Variants in TNR observed in about 807,000 individuals in gnomAD.
The protein encoded by TNR is tenascin R.
In TNR, 45 loss-of-function variants were observed where a neutral mutation model predicts 150.4. The observed-to-expected ratio is 0.30, with a 90% confidence interval of 0.24 to 0.38. The LOEUF is 0.38. Ranked by LOEUF, TNR falls within the 10% of genes least tolerant of loss-of-function variation. The probability of loss-of-function intolerance (pLI) is 1.00; values close to 1 mark genes in which losing one functional copy is unlikely to be tolerated. For synonymous variants in TNR, 687 were observed against 678.4 expected (o/e 1.01, Z -0.20); for missense variants, 1,544 against 1,759.1 (o/e 0.88, Z 2.19).
intron 18 of TNR, among the ~76,000 whole-genome samples, chr1:175,342,352 CA>C (rs533237875): frequency 5.5e-4 from 83 of 152,272 alleles, no homozygotes; most frequent in Non-Finnish European, 5.7e-4. Flanking sequence ...ATGCTGGCCA[CA>C]AATTGGTGGA....
intron 7 of TNR, among the ~76,000 whole-genome samples, chr1:175,389,116 G>T (rs1454057718): frequency 6.6e-6 from 1 of 152,188 alleles, no homozygotes; most frequent in Non-Finnish European, 1.5e-5. Context: ...ACCTGCTATT[G>T]TTGGGCTCAT....
At chr1:175,712,292 C>A (rs903665451) in intron 1 of TNR, among the ~76,000 whole-genome samples, 7 of 151,980 alleles carry the variant, frequency 4.6e-5, no homozygotes, top group African/African-American at 1.7e-4. Flanking sequence ...CAGTGAAGAG[C>A]CATTAAAAAA....
chr1:175,372,373 G>T (rs1017926453), intron 9 of TNR, among the ~76,000 whole-genome samples: 1 of 152,174 alleles, frequency 6.6e-6, no homozygotes, highest in Non-Finnish European at 1.5e-5. Flanking sequence ...GACACGATCA[G>T]CAGGGAGAAG....
At chr1:175,632,793 G>A (rs1018432124) in intron 1 of TNR, among the ~76,000 whole-genome samples, 14 of 152,102 alleles carry the variant, frequency 9.2e-5, no homozygotes, top group Admixed American at 4.6e-4. Flanking sequence ...GGACCATACC[G>A]ATGGTACATG....
In TNR at chr1:175,379,714, G is replaced by A. The variant is rs372205222; in HGVS notation, c.1801C>T (p.Arg601Ter). ...TTEIDAPKNL[R>*]VGSRTATSLD... Reference sequence around the variant, plus strand: ...CTGGTTGCTGTGCGAGAACCAACTCGCAAGTTCTTGGGGGCATCGATCTCT... The same window carrying A: ...CTGGTTGCTGTGCGAGAACCAACTCACAAGTTCTTGGGGGCATCGATCTCT... Residue 601 changes from arginine to a stop codon, truncating the protein, a stop_gained, in exon 9 of 23, where the codon CGA becomes TGA. Coordinates refer to ENST00000367674, the MANE Select transcript of TNR (RefSeq NM_003285.3). LOFTEE classifies it high-confidence loss of function. The A allele has an allele frequency of 6.2e-7, 1 of 1,614,098 alleles. No individual in the cohort carries two copies. Among genetic ancestry groups the A allele is most frequent in the Non-Finnish European group, 8.5e-7 (1 of 1,179,992 alleles).
intron 1 of TNR, among the ~76,000 whole-genome samples, chr1:175,677,476 A>G (rs1665897575): frequency 6.6e-6 from 1 of 152,226 alleles, no homozygotes; most frequent in Non-Finnish European, 1.5e-5. Flanking sequence ...GGACTCTCCC[A>G]TCAGAGCACA....
At chr1:175,616,807 C>T (rs1663791202) in intron 1 of TNR, among the ~76,000 whole-genome samples, 1 of 152,178 alleles carries the variant, frequency 6.6e-6, no homozygotes, top group African/African-American at 2.4e-5. Context: ...TTGCTACCAA[C>T]CTCCTGTGTG....
At chr1:175,668,524 C>T (rs953655934) in intron 1 of TNR, among the ~76,000 whole-genome samples, 24 of 152,082 alleles carry the variant, frequency 1.6e-4, no homozygotes, top group East Asian at 5.8e-4. Context: ...CCACCCTTTG[C>T]GGGAGGTAGA....
At chr1:175,376,047 G>A (rs1436304648) in intron 9 of TNR, among the ~76,000 whole-genome samples, 1 of 152,052 alleles carries the variant, frequency 6.6e-6, no homozygotes, top group Non-Finnish European at 1.5e-5. Context: ...CTCTAAGTGA[G>A]TGCTTCTCAC....
intron 15 of TNR, 25 bp downstream of exon 15, chr1:175,359,587 G>A (rs571568372): frequency 6.2e-7 from 1 of 1,612,638 alleles, no homozygotes; most frequent in Admixed American, 1.7e-5. Context: ...CCACCTGCCT[G>A]ATCTGCAGGC....
intron 1 of TNR, among the ~76,000 whole-genome samples, chr1:175,727,569 G>GTA (rs1276168635): frequency 6.6e-6 from 1 of 152,190 alleles, no homozygotes; most frequent in Non-Finnish European, 1.5e-5. Context: ...CTTTCTCAAG[G>GTA]TAGGAGATAT....
intron 1 of TNR, among the ~76,000 whole-genome samples, chr1:175,605,166 T>G (rs1419954379): frequency 6.6e-6 from 1 of 152,234 alleles, no homozygotes; most frequent in Non-Finnish European, 1.5e-5. Flanking sequence ...GAATTGTCAA[T>G]CCAATAAAAA....
intron 1 of TNR, among the ~76,000 whole-genome samples, chr1:175,715,693 G>T (rs888687787): frequency 1.3e-5 from 2 of 152,200 alleles, no homozygotes; most frequent in African/African-American, 4.8e-5. Flanking sequence ...AAGAGTGGGG[G>T]CTGATTACAT....
chr1:175,434,250 A>G (rs1040065205), intron 2 of TNR, among the ~76,000 whole-genome samples: 1 of 152,170 alleles, frequency 6.6e-6, no homozygotes, highest in African/African-American at 2.4e-5. Flanking sequence ...GCTCCAGAGA[A>G]GCTCCACCTT....
chr1:175,657,883 A>ATATATGTGTG lies in TNR; in HGVS notation c.-165+85342_-165+85343insCACACATATA, dbSNP rs1464419575. Among the ~76,000 whole-genome samples the ATATATGTGTG allele has an allele frequency of 2.5e-4, 25 of 101,132 alleles. 1 individual carries two copies. The highest frequency in any genetic ancestry group is 1.4e-3 in the South Asian group (4 of 2,774). The allele number at this position is 101,132 out of a possible 152,430, so 66.3% of individuals were successfully genotyped here. Reference sequence around the variant, plus strand: ...TATATATATATATATATATATATATATGTAACAAACCTGCACGTTGTGCAC... The same window carrying ATATATGTGTG: ...TATATATATATATATATATATATATATATATGTGTGTGTAACAAACCTGCACGTTGTGCAC... On this transcript the variant is annotated intron_variant, in intron 1 of 22. Coordinates refer to ENST00000367674, the MANE Select transcript of TNR (RefSeq NM_003285.3).
intron 3 of TNR, 57 bp from the exon 4 acceptor site, chr1:175,403,673 C>G (rs1653825664): frequency 6.8e-7 from 1 of 1,462,648 alleles, no homozygotes; most frequent in Non-Finnish European, 9.4e-7. Flanking sequence ...GTCAATGGTG[C>G]TGGGGAAGGA....
chr1:175,572,929 A>T (rs1376667234), intron 1 of TNR, among the ~76,000 whole-genome samples: 1 of 151,858 alleles, frequency 6.6e-6, no homozygotes, highest in Admixed American at 6.6e-5. Context: ...TTCCCAGGTG[A>T]CTTTCTTTTT....
At chr1:175,336,495 C>T (rs1428141598) in intron 19 of TNR, among the ~76,000 whole-genome samples, 3 of 152,234 alleles carry the variant, frequency 2.0e-5, no homozygotes, top group Admixed American at 6.5e-5. Context: ...CAAAGAAGGG[C>T]GGAGGGGCTG....
intron 18 of TNR, among the ~76,000 whole-genome samples, chr1:175,342,458 G>A (rs1323507353): frequency 6.6e-6 from 1 of 152,222 alleles, no homozygotes; most frequent in African/African-American, 2.4e-5. Flanking sequence ...ATGGAGGAAA[G>A]AGAGTGCTGG....
Sources: allele counts gnomAD v4.1 joint callset (sites outside exome capture counted in the v4.1 genomes callset), GRCh38; gene constraint gnomAD v4.1.1; transcripts MANE v1.5; gene names NCBI Gene and HGNC (gene_info 2026-07-23, HGNC 2026-07-21).